Variants in ANXA2 observed in about 807,000 individuals in gnomAD.
ANXA2 encodes the protein annexin II.
Under a neutral mutation model 47.3 loss-of-function variants are expected in ANXA2, and 28 were observed. The ratio of observed to expected loss-of-function variants is 0.59; its 90% CI spans 0.44 to 0.81. ANXA2 has a LOEUF of 0.81. Ranked by LOEUF, ANXA2 falls within the 40% of genes least tolerant of loss-of-function variation. The pLI, the probability that ANXA2 is intolerant of heterozygous loss-of-function variation, is 0.00. For missense variants in ANXA2, 384 were observed against 414.3 expected (o/e 0.93, Z 0.64); for synonymous variants, 172 against 155.5 (o/e 1.11, Z -0.79).
At chr15:60,391,684 T>A (rs1285295965) in intron 1 of ANXA2, among the ~76,000 whole-genome samples, 2 of 152,188 alleles carry the variant, frequency 1.3e-5, no homozygotes, top group East Asian at 1.9e-4. Flanking sequence ...CTGTTTTGAA[T>A]GAAAATAAAA....
At chr15:60,376,944 C>T (rs1455887407) in intron 3 of ANXA2, among the ~76,000 whole-genome samples, 5 of 152,212 alleles carry the variant, frequency 3.3e-5, no homozygotes, top group Non-Finnish European at 5.9e-5. Flanking sequence ...GGTAGCGTCC[C>T]GGCACACTCA....
chr15:60,394,703 GA>G (rs1236327120), intron 1 of ANXA2: 8 of 74,694 alleles, frequency 1.1e-4, no homozygotes, highest in Admixed American at 1.6e-4. Context: ...CATCTCAAAA[GA>G]AAAAAAAAAG....
intron 2 of ANXA2, chr15:60,383,633 AT>A (rs2140914627): frequency 6.6e-6 from 1 of 152,334 alleles, no homozygotes; most frequent in African/African-American, 2.4e-5. Context: ...GAGGATGTAC[AT>A]TGTGGTTGTG....
At chr15:60,387,931 TGTA>T (rs1480559134) in intron 1 of ANXA2, among the ~76,000 whole-genome samples, 1 of 152,184 alleles carries the variant, frequency 6.6e-6, no homozygotes, top group Non-Finnish European at 1.5e-5. Context: ...GGCTCACACC[TGTA>T]ATCCCAGCAC....
At chr15:60,355,003 A>C (rs1228292242) in intron 7 of ANXA2, among the ~76,000 whole-genome samples, 1 of 152,168 alleles carries the variant, frequency 6.6e-6, no homozygotes, top group African/African-American at 2.4e-5. Context: ...AGGGTCAGTC[A>C]GATGCAGCTA....
chr15:60,386,090 G>C lies in ANXA2; in HGVS notation c.-11-4C>G. 6.2e-7 allele frequency: 1 copy of C among 1,605,550 alleles called. No individual in the cohort carries two copies. The highest frequency in any genetic ancestry group is 8.5e-7 in the Non-Finnish European group (1 of 1,173,494). On this transcript the variant is annotated splice_region_variant and splice_polypyrimidine_tract_variant and intron_variant, in intron 1 of 12. Transcript: ENST00000451270. ...ACAGTAGACATTTTGAAGGAAGCTG[G>C]AAAAAAAGTACAACAAAAAGTCTTT...
intron 3 of ANXA2, among the ~76,000 whole-genome samples, chr15:60,365,419 A>T (rs1434673313): frequency 6.6e-6 from 1 of 152,226 alleles, no homozygotes; most frequent in African/African-American, 2.4e-5. Context: ...TGACTGATTA[A>T]TAACTTTGTT....
At chr15:60,383,521 C>T (rs777960055) in intron 2 of ANXA2, 7 of 152,236 alleles carry the variant, frequency 4.6e-5, no homozygotes, top group African/African-American at 9.7e-5. Context: ...AGTGCTTCTA[C>T]GTCAGTTCTC....
chr15:60,376,980 C>T (rs1022462749), intron 3 of ANXA2, among the ~76,000 whole-genome samples: 8 of 152,226 alleles, frequency 5.3e-5, no homozygotes, highest in Admixed American at 3.9e-4. Flanking sequence ...ACACGGCTAC[C>T]CCCGTCTAGG....
chr15:60,365,306 T>C (rs993256195), intron 3 of ANXA2, among the ~76,000 whole-genome samples: 1 of 152,188 alleles, frequency 6.6e-6, no homozygotes, highest in African/African-American at 2.4e-5. Flanking sequence ...CAATGCCTTC[T>C]GGTGTCTGCA....
At chr15:60,384,481 A>C (rs182139560) in intron 2 of ANXA2, 1 of 152,266 alleles carries the variant, frequency 6.6e-6, no homozygotes, top group Non-Finnish European at 1.5e-5. Context: ...AACATGTGAC[A>C]TTTTCTATTT....
intron 3 of ANXA2, among the ~76,000 whole-genome samples, chr15:60,367,298 C>G (rs1166690167): frequency 1.5e-5 from 2 of 129,074 alleles, no homozygotes; most frequent in Non-Finnish European, 3.4e-5. Flanking sequence ...GGCCAGCCGC[C>G]CCGTCCGGGA....
chr15:60,368,714 T>C (rs2062672804), intron 3 of ANXA2, among the ~76,000 whole-genome samples: 2 of 152,226 alleles, frequency 1.3e-5, no homozygotes, highest in South Asian at 4.1e-4. Flanking sequence ...TAATCTTTCT[T>C]TTGATTATCT....
chr15:60,377,370 T>C lies in ANXA2; in HGVS notation c.148+4972A>G, dbSNP rs151213038. Among the ~76,000 whole-genome samples, 24 of 152,276 alleles carry C rather than the reference T, an allele frequency of 1.6e-4. 1 individual carries two copies. In the East Asian group the frequency reaches 2.5e-3, roughly 16 times the overall value. Reference sequence around the variant, plus strand: ...ACTATGAAAGTAATACAAGTCATCATAGAAAATTTGCAAAATACAGAAATA... The same window carrying C: ...ACTATGAAAGTAATACAAGTCATCACAGAAAATTTGCAAAATACAGAAATA... On this transcript the variant is annotated intron_variant, in intron 3 of 12. Transcript: ENST00000451270.
At chr15:60,390,860 C>T (rs893030513) in intron 1 of ANXA2, among the ~76,000 whole-genome samples, 1 of 152,280 alleles carries the variant, frequency 6.6e-6, no homozygotes, top group South Asian at 2.1e-4. Flanking sequence ...GTTGGCTTTG[C>T]GATTCACTGT....
intron 4 of ANXA2, among the ~76,000 whole-genome samples, chr15:60,362,262 T>C (rs1372140830): frequency 1.3e-5 from 2 of 152,206 alleles, no homozygotes; most frequent in Admixed American, 6.5e-5. Flanking sequence ...CACTCCCCTC[T>C]ACCCATTCTC....
intron 1 of ANXA2, among the ~76,000 whole-genome samples, chr15:60,392,522 G>A (rs1265262261): frequency 8.5e-4 from 6 of 7,086 alleles, no homozygotes; most frequent in African/African-American, 1.5e-3. Context: ...AAAAAGAAGA[G>A]TAAAAGTTTA....
intron 3 of ANXA2, among the ~76,000 whole-genome samples, chr15:60,379,220 G>A (rs181401241): frequency 1.9e-3 from 284 of 152,182 alleles, no homozygotes; most frequent in African/African-American, 6.4e-3. Flanking sequence ...AGAGGTTGCA[G>A]TGAGCCAAGA....
chr15:60,361,357 T>C (rs2062509432), intron 4 of ANXA2: 1 of 340,516 alleles, frequency 2.9e-6, no homozygotes, highest in African/African-American at 2.1e-5. Context: ...TGCAGGCACT[T>C]TGCAATATGC....
Sources: allele counts gnomAD v4.1 joint callset (sites outside exome capture counted in the v4.1 genomes callset), GRCh38; gene constraint gnomAD v4.1.1; transcripts MANE v1.5; gene names NCBI Gene and HGNC (gene_info 2026-07-23, HGNC 2026-07-21).